UBE2B: variants seen among roughly 807,000 people sequenced by gnomAD.
The protein encoded by UBE2B is ubiquitin conjugating enzyme E2 B, also known as ubiquitin-conjugating enzyme E2 B.
Under a neutral mutation model 24.6 loss-of-function variants are expected in UBE2B, and 11 were observed. That is an observed-to-expected ratio of 0.45 (90% confidence interval 0.28 to 0.74). The LOEUF is 0.74. Ranked by LOEUF, UBE2B falls within the 30% of genes least tolerant of loss-of-function variation. The pLI, the probability that UBE2B is intolerant of heterozygous loss-of-function variation, is 0.13. For synonymous variants in UBE2B, 68 were observed against 62.4 expected (o/e 1.09, Z -0.42); for missense variants, 78 against 185.6 (o/e 0.42, Z 3.37).
intron 4 of UBE2B, among the ~76,000 whole-genome samples, chr5:134,386,384 C>G (rs1758801235): frequency 6.6e-6 from 1 of 151,352 alleles, no homozygotes; most frequent in South Asian, 2.1e-4. Flanking sequence ...AATCCCAGCA[C>G]TTTGGGAGGC....
At chr5:134,386,632 CAAAA>C (rs941889424) in intron 4 of UBE2B, among the ~76,000 whole-genome samples, 1 of 131,994 alleles carries the variant, frequency 7.6e-6, no homozygotes, top group Non-Finnish European at 1.6e-5. Flanking sequence ...AACTCCATCT[CAAAA>C]AAAAAAAAGG....
rs975391326 is a variant in UBE2B, at chr5:134,387,784, AT to A, written c.242-532del. On this transcript the variant is annotated intron_variant, in intron 4 of 5. Transcript: ENST00000265339. ...CTCAACAGTGTTACAATGGCAATTA[AT>A]TTTTTTTTATTTAATTTTTTTACTT... 9.9e-5 allele frequency among the ~76,000 whole-genome samples: 15 copies of A among 151,786 alleles called. No individual in the cohort carries two copies. The Middle Eastern group carries it at 0.01, about 104-fold the overall frequency.
chr5:134,380,237 G>A (rs1386991720), intron 3 of UBE2B, among the ~76,000 whole-genome samples: 1 of 152,084 alleles, frequency 6.6e-6, no homozygotes, highest in African/African-American at 2.4e-5. Flanking sequence ...AAGATTTTCT[G>A]AGTTAAAGTT....
intron 4 of UBE2B, among the ~76,000 whole-genome samples, chr5:134,382,750 G>A (rs1324751349): frequency 2.0e-5 from 3 of 151,642 alleles, no homozygotes; most frequent in Non-Finnish European, 4.4e-5. Flanking sequence ...CTCCATCCTG[G>A]GTGACAAAGC....
At position 134,381,934 on chromosome 5, in the gene UBE2B, ACT is replaced by A. The variant is rs1467855775; in HGVS notation, c.241+1129_241+1130del. ...ACTTCAGCCTGGGTGACAAACCAAG[ACT>A]CTGTCTCCAAAAAAACAAAGGTAAT... On this transcript the variant is annotated intron_variant, in intron 4 of 5. Coordinates refer to ENST00000265339, the MANE Select transcript of UBE2B (RefSeq NM_003337.4). Among the ~76,000 whole-genome samples the A allele has an allele frequency of 1.3e-5, 2 of 152,008 alleles. 1 individual carries two copies. Among genetic ancestry groups the A allele is most frequent in the Non-Finnish European group, 2.9e-5 (2 of 67,990 alleles).
intron 2 of UBE2B, chr5:134,374,691 C>T (rs929153275): frequency 5.4e-5 from 27 of 499,886 alleles, no homozygotes; most frequent in Non-Finnish European, 9.3e-5. Context: ...CCAGCCTGGG[C>T]GATATAGTGA....
chr5:134,384,208 T>A (rs1233877243), intron 4 of UBE2B, among the ~76,000 whole-genome samples: 1 of 152,202 alleles, frequency 6.6e-6, no homozygotes, highest in Admixed American at 6.5e-5. Flanking sequence ...GTCGTGTCTC[T>A]AGTACTGCAG....
At chr5:134,377,108 C>T (rs1344892304) in intron 3 of UBE2B, among the ~76,000 whole-genome samples, 1 of 152,168 alleles carries the variant, frequency 6.6e-6, no homozygotes. Flanking sequence ...GTACTACTAG[C>T]ATTTAACACC....
chr5:134,379,324 C>A, intron 3 of UBE2B, among the ~76,000 whole-genome samples: 1 of 152,134 alleles, frequency 6.6e-6, no homozygotes, highest in East Asian at 1.9e-4. Context: ...AACAGAATAG[C>A]TACAGTCACC....
intron 4 of UBE2B, among the ~76,000 whole-genome samples, chr5:134,387,643 C>T (rs1218098968): frequency 6.6e-6 from 1 of 152,146 alleles, no homozygotes; most frequent in Non-Finnish European, 1.5e-5. Flanking sequence ...TGGTGGAAGG[C>T]AGAATGACAA....
intron 2 of UBE2B, 22 bp downstream of exon 2, chr5:134,374,485 A>G (rs760741540): frequency 2.5e-5 from 38 of 1,550,544 alleles, no homozygotes; most frequent in Non-Finnish European, 3.1e-5. Context: ...GGTTTAACAA[A>G]TAATAGGTGT....
chr5:134,378,658 AGTT>A (rs1458616987), intron 3 of UBE2B, among the ~76,000 whole-genome samples: 1 of 149,814 alleles, frequency 6.7e-6, no homozygotes, highest in Admixed American at 6.8e-5. Context: ...GCACTTCTAC[AGTT>A]GTTTGAGTTG....
chr5:134,380,954 GATTT>G, intron 4 of UBE2B, 146 bp downstream of exon 4: 7 of 218,748 alleles, frequency 3.2e-5, no homozygotes, highest in East Asian at 8.7e-5. Flanking sequence ...TTTTGTTGTG[GATTT>G]TTTTTTTTTT....
intron 3 of UBE2B, among the ~76,000 whole-genome samples, chr5:134,380,239 G>A (rs1758686915): frequency 1.3e-5 from 2 of 152,036 alleles, no homozygotes; most frequent in African/African-American, 4.8e-5. Context: ...GATTTTCTGA[G>A]TTAAAGTTTT....
chr5:134,376,340 A>ATATATATATATATATGTATATATATAT (rs1206993709), intron 2 of UBE2B, among the ~76,000 whole-genome samples: 1 of 5,922 alleles, frequency 1.7e-4, no homozygotes, highest in Admixed American at 2.7e-3. Flanking sequence ...AAAAAAAAAA[A>ATATATATATATATATGTATATATATAT]AAAAAAAAAT....
chr5:134,385,143 A>T (rs150456090), intron 4 of UBE2B, among the ~76,000 whole-genome samples: 102 of 152,296 alleles, frequency 6.7e-4, no homozygotes, highest in African/African-American at 2.4e-3. Flanking sequence ...AGAAATAGTT[A>T]CTCAGAACTT....
chr5:134,388,356 C>A lies in UBE2B; in HGVS notation c.273C>A (p.Ile91=), dbSNP rs750828139. 43 of 1,613,956 alleles carry A rather than the reference C, an allele frequency of 2.7e-5. No individual in the cohort carries two copies. The East Asian group carries it at 8.9e-4, about 33-fold the overall frequency. The stretch of plus-strand genomic sequence containing the variant: ...CTGATGGTAGCATATGTTTAGATAT[C>A]CTTCAGAATCGATGGAGTCCAACAT... ...VYADGSICLD[I]LQNRWSPTYD... is the part of the protein sequence containing the mutation. Residue 91 remains isoleucine (I), a synonymous_variant, in exon 5 of 6, where the codon ATC becomes ATA. Transcript: ENST00000265339.
chr5:134,386,515 C>T (rs1216581552), intron 4 of UBE2B, among the ~76,000 whole-genome samples: 2 of 151,758 alleles, frequency 1.3e-5, no homozygotes, highest in South Asian at 4.2e-4. Context: ...ACCTGTAATC[C>T]CAACTACGTG....
chr5:134,389,511 A>G (rs1386555021), intron 5 of UBE2B, among the ~76,000 whole-genome samples: 1 of 148,880 alleles, frequency 6.7e-6, no homozygotes, highest in Admixed American at 6.7e-5. Flanking sequence ...TTCTTTTCTG[A>G]TTTCTTTCAA....
Sources: gnomAD v4.1 joint callset for allele counts (sites outside exome capture counted in the v4.1 genomes callset) on GRCh38, gnomAD v4.1.1 for gene constraint, MANE v1.5 for transcripts, NCBI Gene and HGNC (gene_info 2026-07-23, HGNC 2026-07-21) for gene names.